TMC2: variants seen among roughly 807,000 people sequenced by gnomAD.
TMC2 encodes transmembrane channel like 2.
Under a neutral mutation model 105.9 loss-of-function variants are expected in TMC2, and 102 were observed. That is an observed-to-expected ratio of 0.96 (90% CI 0.82 to 1.14). The LOEUF (loss-of-function observed/expected upper bound fraction) is 1.14. Ranked by LOEUF, TMC2 falls within the 50% of genes most tolerant of loss-of-function variation. The pLI is 0.00. For missense variants in TMC2, 1,093 were observed against 1,134.3 expected, an observed-to-expected ratio of 0.96 and a Z score of 0.52; for synonymous variants, 402 against 422.8, an observed-to-expected ratio of 0.95 and a Z score of 0.60.
chr20:2,554,728 T>C (rs1487524065), intron 2 of TMC2, among the ~76,000 whole-genome samples: 2 of 152,228 alleles, frequency 1.3e-5, no homozygotes, highest in East Asian at 3.8e-4. Context: ...TATCTCCAAA[T>C]ATTTTGGTAT....
intron 16 of TMC2, among the ~76,000 whole-genome samples, chr20:2,620,214 G>A (rs2086515239): frequency 6.6e-6 from 1 of 152,182 alleles, no homozygotes; most frequent in South Asian, 2.1e-4. Flanking sequence ...AAGGAAAGAG[G>A]TATGTTGAGT....
At position 2,642,274 on chromosome 20, in the gene TMC2, G is replaced by A. The variant is rs1465245324; in HGVS notation, c.*923G>A. On this transcript the variant is annotated 3_prime_UTR_variant, in exon 20 of 20. Transcript: ENST00000358864. ...ATAAAGGTAAATGGACCAAAGACCA[G>A]TCATGGAGAGTGGGGATTGGTGGGA... 6.6e-6 allele frequency among the ~76,000 whole-genome samples: 1 copy of A among 152,186 alleles called. No homozygotes were observed. Among genetic ancestry groups the A allele is most frequent in the Non-Finnish European group, 1.5e-5 (1 of 68,038 alleles).
intron 2 of TMC2, among the ~76,000 whole-genome samples, chr20:2,546,108 G>A (rs986940128): frequency 6.6e-6 from 1 of 152,152 alleles, no homozygotes; most frequent in African/African-American, 2.4e-5. Context: ...GTTTTATGGA[G>A]GCAGGGCCCT....
chr20:2,561,838 C>A lies in TMC2; in HGVS notation c.402-20C>A, dbSNP rs373796243. On this transcript the variant is annotated intron_variant, in intron 3 of 19. Coordinates refer to ENST00000358864, the MANE Select transcript of TMC2 (RefSeq NM_080751.3). ...CTCCTTTCCAACTTCCCTCTGCCTC[C>A]GCCCTGGCTCTGCCTCCAGGTCATC... 38 of 1,607,108 alleles carry A rather than the reference C, an allele frequency of 2.4e-5. No individual in the cohort carries two copies. In the South Asian group the frequency reaches 3.9e-4, roughly 16 times the overall value.
chr20:2,626,695 A>G (rs2086566951), intron 17 of TMC2, among the ~76,000 whole-genome samples: 1 of 152,220 alleles, frequency 6.6e-6, no homozygotes, highest in African/African-American at 2.4e-5. Context: ...CCCTATTTCC[A>G]AGACACTGAC....
intron 8 of TMC2, among the ~76,000 whole-genome samples, chr20:2,594,023 C>T (rs1186626835): frequency 6.6e-6 from 1 of 152,078 alleles, no homozygotes; most frequent in African/African-American, 2.4e-5. Context: ...GCACTCTTCC[C>T]TCCTTTGTGA....
In TMC2 at chr20:2,616,052, G is replaced by C; in HGVS notation, c.1873-85G>C. On this transcript the variant is annotated intron_variant, in intron 14 of 19. Coordinates refer to ENST00000358864, the MANE Select transcript of TMC2 (RefSeq NM_080751.3). The surrounding 1 kb of genome is among the most constrained non-coding windows in gnomAD (Gnocchi z 4.8). ...GGATGGAATGGCCTTGGCTTGGCCA[G>C]TTGGTTGGTAGTAGGGTTTGGCTGA... 3 of 1,106,698 alleles carry C rather than the reference G, an allele frequency of 2.7e-6. No homozygotes were observed. Among genetic ancestry groups the C allele is most frequent in the Non-Finnish European group, 4.0e-6 (3 of 740,880 alleles). The allele number at this position is 1,106,698 out of a possible 1,614,324, so 68.6% of individuals were successfully genotyped here.
chr20:2,610,611 A>G lies in TMC2; in HGVS notation c.1593+13A>G. ...CGTCCACCTCAAGGTAAAAACCACA[A>G]CACCCCCCACCCCACTGCAATTCCT... On this transcript the variant is annotated intron_variant, in intron 12 of 19. Coordinates refer to ENST00000358864, the MANE Select transcript of TMC2 (RefSeq NM_080751.3). The G allele has an allele frequency of 1.3e-6, 2 of 1,549,632 alleles. No homozygotes were observed. Among genetic ancestry groups the G allele is most frequent in the South Asian group, 2.4e-5 (2 of 83,444 alleles).
intron 7 of TMC2, among the ~76,000 whole-genome samples, chr20:2,582,144 A>T (rs2086196018): frequency 1.3e-5 from 2 of 152,196 alleles, no homozygotes; most frequent in Admixed American, 1.3e-4. Flanking sequence ...ATTAAAAGAG[A>T]GGAATCAGAG....
chr20:2,624,501 C>A (rs2146257884), intron 17 of TMC2, 105 bp downstream of exon 17: 1 of 1,295,830 alleles, frequency 7.7e-7, no homozygotes, highest in Non-Finnish European at 1.1e-6. Context: ...CTGCACTCCC[C>A]AGAAGCAGAA....
intron 2 of TMC2, among the ~76,000 whole-genome samples, chr20:2,545,484 G>A (rs927698629): frequency 6.6e-6 from 1 of 152,250 alleles, no homozygotes; most frequent in Non-Finnish European, 1.5e-5. Context: ...TGAGTAATAG[G>A]AGGCTTCTGT....
intron 11 of TMC2, among the ~76,000 whole-genome samples, chr20:2,605,971 G>T (rs574830904): frequency 1.3e-5 from 2 of 152,192 alleles, no homozygotes; most frequent in African/African-American, 2.4e-5. Context: ...AAGCATTGTA[G>T]ATGGTAGTGT....
chr20:2,597,207 TC>T lies in TMC2; in HGVS notation c.1134del (p.Phe378LeufsTer12), dbSNP rs1568518649. 1 of 1,614,072 alleles carries T rather than the reference TC, an allele frequency of 6.2e-7. No individual in the cohort carries two copies. Among genetic ancestry groups the T allele is most frequent in the Non-Finnish European group, 8.5e-7 (1 of 1,180,002 alleles). ...GAAGGGGAGAGTGACAACTTCACAT[TC>T]AGCTTCAAGATGTTCACCAGCTGGG... ...TGEGESDNFT[F>X]SFKMFTSWDY... On this transcript the variant is annotated frameshift_variant, in exon 10 of 20. Transcript: ENST00000358864. LOFTEE classifies it high-confidence loss of function.
At chr20:2,636,066 A>C (rs539083972) in intron 18 of TMC2, 62 bp downstream of exon 18, 2 of 1,458,698 alleles carry the variant, frequency 1.4e-6, no homozygotes, top group East Asian at 4.5e-5. Flanking sequence ...GGTTTTTGCT[A>C]ATTTGCTGTG....
chr20:2,615,947 T>A (rs1021965118), intron 14 of TMC2, among the ~76,000 whole-genome samples, 190 bp from the exon 15 acceptor site: 12 of 152,244 alleles, frequency 7.9e-5, no homozygotes, highest in Admixed American at 5.9e-4. Flanking sequence ...TCAAATTTTT[T>A]GTTTAAAAGT....
chr20:2,572,321 A>C (rs1349004474), intron 5 of TMC2, 52 bp downstream of exon 5: 1 of 1,468,602 alleles, frequency 6.8e-7, no homozygotes, highest in Non-Finnish European at 9.5e-7. Context: ...TCAGCTTTGG[A>C]ATCTGGCGAC....
intron 7 of TMC2, among the ~76,000 whole-genome samples, chr20:2,582,452 A>T (rs1483641284): frequency 2.0e-5 from 3 of 152,170 alleles, no homozygotes; most frequent in African/African-American, 7.2e-5. Context: ...AAGTGCTCAA[A>T]CATGACTTTT....
chr20:2,636,517 C>T lies in TMC2; in HGVS notation c.2385+513C>T, dbSNP rs1353331743. On this transcript the variant is annotated intron_variant, in intron 18 of 19. Coordinates refer to ENST00000358864, the MANE Select transcript of TMC2 (RefSeq NM_080751.3). ...ACGCACACACCCTAAAATTCAGACC[C>T]TAACCCTCCCTAAGCCCTGTTCTTG... 4.0e-5 allele frequency among the ~76,000 whole-genome samples: 6 copies of T among 150,002 alleles called. No individual in the cohort carries two copies. The East Asian group carries it at 1.2e-3, about 29-fold the overall frequency.
intron 2 of TMC2, among the ~76,000 whole-genome samples, chr20:2,557,323 G>A (rs954926824): frequency 2.0e-5 from 3 of 151,942 alleles, no homozygotes; most frequent in African/African-American, 4.8e-5. Flanking sequence ...CATATCCTCC[G>A]CCCACTGACT....
Sources: allele counts gnomAD v4.1 joint callset (sites outside exome capture counted in the v4.1 genomes callset), GRCh38; gene constraint gnomAD v4.1.1; non-coding constraint Gnocchi (gnomAD v3.1); transcripts MANE v1.5; gene names NCBI Gene and HGNC (gene_info 2026-07-23, HGNC 2026-07-21).